The following SHLD1 variants were observed in gnomAD, a reference collection of about 807,000 sequenced individuals.
SHLD1 encodes RINN1-REV7-interacting novel NHEJ regulator 3.
A neutral mutation model predicts 5.5 loss-of-function variants in SHLD1; 3 were observed. The ratio of observed to expected loss-of-function variants is 0.54; its 90% CI spans 0.25 to 1.40. The LOEUF is 1.40. Among genes scored for constraint, SHLD1 ranks in the 40% most tolerant of loss-of-function variants. SHLD1 has a pLI of 0.15. For synonymous variants in SHLD1, 92 were observed against 94.3 expected, an observed-to-expected ratio of 0.98 and a Z score of 0.14; for missense variants, 210 against 244.4, an observed-to-expected ratio of 0.86 and a Z score of 0.94.
intron 2 of SHLD1, among the ~76,000 whole-genome samples, chr20:5,859,185 T>G (rs1232269313): frequency 6.6e-6 from 1 of 152,140 alleles, no homozygotes; most frequent in Non-Finnish European, 1.5e-5. Context: ...CAAAAGTCTC[T>G]TAGGGAGCTC....
chr20:5,843,103 G>A (rs955066168), intron 2 of SHLD1, among the ~76,000 whole-genome samples: 5 of 152,060 alleles, frequency 3.3e-5, no homozygotes, highest in Non-Finnish European at 5.9e-5. Flanking sequence ...CTGTGTGGAC[G>A]GTTTCTTTTG....
intron 2 of SHLD1, among the ~76,000 whole-genome samples, chr20:5,841,174 TGTG>T (rs2087854545): frequency 9.0e-6 from 1 of 111,256 alleles, no homozygotes; most frequent in Admixed American, 7.7e-5. Flanking sequence ...ATAGCGAGTG[TGTG>T]TGTGTGTGTG....
chr20:5,818,096 AT>A (rs551067233), intron 2 of SHLD1, among the ~76,000 whole-genome samples: 1 of 137,632 alleles, frequency 7.3e-6, no homozygotes, highest in Non-Finnish European at 1.6e-5. Context: ...TTATTTTTTT[AT>A]TTTTTTTGAG....
chr20:5,764,217 G>GTATATATATATATATATATATA (rs1436612762), intron 1 of SHLD1, among the ~76,000 whole-genome samples: 2 of 115,340 alleles, frequency 1.7e-5, no homozygotes, highest in Admixed American at 9.4e-5. Context: ...ATTTGTGTGT[G>GTATATATATATATATATATATA]TGTATATATA....
chr20:5,783,319 G>A (rs2087011987), intron 2 of SHLD1, among the ~76,000 whole-genome samples: 1 of 152,168 alleles, frequency 6.6e-6, no homozygotes, highest in Admixed American at 6.5e-5. Flanking sequence ...CCGCCTCCCA[G>A]TTTCAAGGAT....
chr20:5,795,748 G>A (rs1425539441), intron 2 of SHLD1, among the ~76,000 whole-genome samples: 1 of 151,994 alleles, frequency 6.6e-6, no homozygotes, highest in East Asian at 1.9e-4. Flanking sequence ...TTGGGAGGCC[G>A]AGGCAGGTGG....
intron 2 of SHLD1, among the ~76,000 whole-genome samples, chr20:5,790,218 C>T (rs1600124659): frequency 6.6e-6 from 1 of 152,296 alleles, no homozygotes; most frequent in African/African-American, 2.4e-5. Context: ...GACCTTCTTC[C>T]TCCCAGGGAG....
chr20:5,767,573 G>A (rs1191385071), intron 1 of SHLD1, among the ~76,000 whole-genome samples: 1 of 152,130 alleles, frequency 6.6e-6, no homozygotes, highest in Non-Finnish European at 1.5e-5. Flanking sequence ...CACTGCAGGC[G>A]AATGAATTCT....
rs34606715 is a variant in SHLD1 at position 5,791,563 on chromosome 20, CAAAAAAAAAAAA to C, written c.178+18531_178+18542del. Among the ~76,000 whole-genome samples the C allele has an allele frequency of 4.9e-5, 3 of 61,018 alleles. No homozygotes were observed. The South Asian group carries it at 1.8e-3, about 36-fold the overall frequency. 40.0% of individuals were successfully genotyped at this position (61,018 alleles called of 152,430 possible). A position where few individuals can be genotyped will look rare whatever the true frequency, so the allele number is the denominator to read the frequency against. ...TGGACCACAAAGCAAGACCCTGTCT[CAAAAAAAAAAAA>C]AAAAAAAAAAGGAAATGATATAAAT... On this transcript the variant is annotated intron_variant, in intron 2 of 2. Transcript: ENST00000303142.
intron 2 of SHLD1, among the ~76,000 whole-genome samples, chr20:5,809,710 T>A (rs1207256452): frequency 6.6e-6 from 1 of 152,022 alleles, no homozygotes. Context: ...CAGGGGACAT[T>A]TGGTGGAGTT....
intron 1 of SHLD1, among the ~76,000 whole-genome samples, chr20:5,760,163 G>A (rs111344128): frequency 5.3e-5 from 8 of 152,074 alleles, no homozygotes; most frequent in African/African-American, 1.7e-4. Flanking sequence ...AGGTCCAGTC[G>A]AACAGAAAAC....
At chr20:5,773,700 C>G (rs1985295255) in intron 2 of SHLD1, among the ~76,000 whole-genome samples, 1 of 151,940 alleles carries the variant, frequency 6.6e-6, no homozygotes, top group Admixed American at 6.6e-5. Context: ...TCACACAGAC[C>G]TGGATTTAAA....
At chr20:5,814,409 A>T (rs2087500698) in intron 2 of SHLD1, among the ~76,000 whole-genome samples, 1 of 152,176 alleles carries the variant, frequency 6.6e-6, no homozygotes, top group Admixed American at 6.5e-5. Context: ...TTAAAGAAAA[A>T]TATTGACCAC....
chr20:5,816,104 A>AAAAAAAAAAAAAAAAAC (rs2087527722), intron 2 of SHLD1, among the ~76,000 whole-genome samples: 1 of 149,448 alleles, frequency 6.7e-6, no homozygotes, highest in Non-Finnish European at 1.5e-5. Context: ...AAAAAAAAAA[A>AAAAAAAAAAAAAAAAAC]AAAGAAAGAA....
At chr20:5,763,105 G>A (rs920204213) in intron 1 of SHLD1, among the ~76,000 whole-genome samples, 2 of 151,676 alleles carry the variant, frequency 1.3e-5, no homozygotes, top group African/African-American at 2.4e-5. Flanking sequence ...TCAGGAGTTC[G>A]AGACCAGCCT....
chr20:5,765,044 A>C (rs1984746588), intron 1 of SHLD1: 2 of 149,928 alleles, frequency 1.3e-5, no homozygotes, highest in Non-Finnish European at 3.0e-5. Flanking sequence ...CCTACTCTCC[A>C]GTATTGAAAA....
At chr20:5,842,596 C>T (rs899200600) in intron 2 of SHLD1, among the ~76,000 whole-genome samples, 3 of 152,152 alleles carry the variant, frequency 2.0e-5, no homozygotes, top group Admixed American at 6.5e-5. Flanking sequence ...GCCTTTCCTT[C>T]GTTCTCTCTG....
chr20:5,821,400 C>T (rs1291731118), intron 2 of SHLD1, among the ~76,000 whole-genome samples: 1 of 152,156 alleles, frequency 6.6e-6, no homozygotes, highest in Non-Finnish European at 1.5e-5. Flanking sequence ...ATAATCCCAG[C>T]TGCTCAGGAG....
chr20:5,853,274 C>T (rs1316237138), intron 2 of SHLD1, among the ~76,000 whole-genome samples: 1 of 151,994 alleles, frequency 6.6e-6, no homozygotes, highest in Non-Finnish European at 1.5e-5. Context: ...GGCGAAACCC[C>T]ATCTCTACTA....
Sources: allele counts gnomAD v4.1 joint callset (sites outside exome capture counted in the v4.1 genomes callset), GRCh38; gene constraint gnomAD v4.1.1; transcripts MANE v1.5; gene names NCBI Gene and HGNC (gene_info 2026-07-23, HGNC 2026-07-21).